The following MRO variants were observed in gnomAD, a reference collection of about 807,000 sequenced individuals.
The protein encoded by MRO is protein maestro.
MRO carries 28 observed loss-of-function variants against 31.0 expected under a neutral mutation model. The observed-to-expected ratio is 0.90, with a 90% CI of 0.67 to 1.24. The LOEUF (loss-of-function observed/expected upper bound fraction) is 1.24, where lower values mean the gene tolerates loss of function less well. Among genes scored for constraint, MRO ranks in the 50% most tolerant of loss-of-function variants. The probability of loss-of-function intolerance (pLI) is 0.00; values close to 1 mark genes in which losing one functional copy is unlikely to be tolerated. For missense variants in MRO, 332 were observed against 289.2 expected, an observed-to-expected ratio of 1.15 and a Z score of -1.07; for synonymous variants, 108 against 108.4, an observed-to-expected ratio of 1.00 and a Z score of 0.02.
chr18:50,810,553 AACTT>A (rs1364700260), intron 2 of MRO, among the ~76,000 whole-genome samples: 1 of 152,160 alleles, frequency 6.6e-6, no homozygotes, highest in African/African-American at 2.4e-5. Context: ...ATTGGAGGGA[AACTT>A]ACTTTTTTCA....
In MRO at chr18:50,809,412, C is replaced by T; in HGVS notation, c.-4-8G>A. The T allele has an allele frequency of 6.3e-7, 1 of 1,575,042 alleles. No homozygotes were observed. Among genetic ancestry groups the T allele is most frequent in the Non-Finnish European group, 8.7e-7 (1 of 1,147,018 alleles). ...TGTCTTTGGTCCATGGAACTAAAAA[C>T]AAAACAAAACAAAATCACATGCGCC... On this transcript the variant is annotated splice_polypyrimidine_tract_variant and splice_region_variant and intron_variant, in intron 2 of 7. Coordinates refer to ENST00000398439, the MANE Select transcript of MRO (RefSeq NM_031939.6).
intron 3 of MRO, among the ~76,000 whole-genome samples, chr18:50,808,933 C>T (rs1398359270): frequency 3.3e-5 from 5 of 150,494 alleles, no homozygotes; most frequent in African/African-American, 7.3e-5. Flanking sequence ...GTCAGGAGAT[C>T]GAGACCATCC....
At chr18:50,812,402 T>C (rs1321966450) in intron 2 of MRO, among the ~76,000 whole-genome samples, 1 of 152,226 alleles carries the variant, frequency 6.6e-6, no homozygotes, top group Non-Finnish European at 1.5e-5. Flanking sequence ...TTATATATTC[T>C]GAATACTAGA....
Position 50,800,088 on chromosome 18 carries a change from T to C in MRO, c.641A>G (p.Tyr214Cys). The change falls in exon 7 of 8, where the codon TAC becomes TGC. Residue 214 changes from tyrosine to cysteine, a missense_variant. By Grantham distance (194) the Tyr-to-Cys change is radical. Transcript: ENST00000398439. ...TTGATCTTCTTCACTCTGGAAGCTG[T>C]ATTCCTCCTTTAGTTTCAGATATGG... ...CSPYLKLKEE[Y>C]SFQSEEDQRN... 6.2e-7 allele frequency: 1 copy of C among 1,613,938 alleles called. No individual in the cohort carries two copies. The highest frequency in any genetic ancestry group is 1.1e-5 in the South Asian group (1 of 91,048).
At chr18:50,819,365 C>T (rs1363574185) in intron 2 of MRO, 5 of 883,740 alleles carry the variant, frequency 5.7e-6, no homozygotes, top group African/African-American at 1.8e-5. Context: ...AACTATTGAT[C>T]GATTAACATA....
upstream of MRO, among the ~76,000 whole-genome samples, chr18:50,824,997 A>T (rs1915460885): frequency 6.7e-6 from 1 of 150,102 alleles, no homozygotes; most frequent in African/African-American, 2.5e-5. Context: ...ACCACCTGGG[A>T]GGCAGAGGTC....
Position 50,799,242 on chromosome 18 carries a change from C to T in MRO, c.*95G>A, listed in dbSNP as rs1913046173. The T allele has an allele frequency of 3.7e-6, 4 of 1,080,300 alleles. No individual in the cohort carries two copies. In the Admixed American group the frequency reaches 5.2e-5, roughly 14 times the overall value. 66.9% of individuals were successfully genotyped at this position (1,080,300 alleles called of 1,614,324 possible). ...TCTTTCCCATTACAATCCCAAGAGG[C>T]AAGCAGTGAGAAGAGGCATCCAGTG... On this transcript the variant is annotated 3_prime_UTR_variant, in exon 8 of 8. Transcript: ENST00000398439.
chr18:50,801,633 T>C (rs2255059), intron 5 of MRO, 129 bp from the exon 6 acceptor site: 400,579 of 860,168 alleles, frequency 0.47, 96,589 homozygotes, highest in Non-Finnish European at 0.49. Flanking sequence ...CAGCCATCGA[T>C]CTTGACTGTA....
chr18:50,824,518 G>A (rs1382740339), upstream of MRO, among the ~76,000 whole-genome samples: 1 of 147,552 alleles, frequency 6.8e-6, no homozygotes, highest in East Asian at 2.1e-4. Flanking sequence ...GCAATATTGC[G>A]ATCTCGGCTC....
rs1201517482 is a variant in MRO at position 50,795,299 on chromosome 18, A to AC, written c.*4037dup. On this transcript the variant is annotated 3_prime_UTR_variant, in exon 8 of 8. Transcript: ENST00000398439. ...GCATATATATCACTTACACTCATGG[A>AC]CTTTTTTTTCATTTTAAAAGGGCAT... 6.6e-6 allele frequency: 1 copy of AC among 152,206 alleles called. No homozygotes were observed. Among genetic ancestry groups the AC allele is most frequent in the Non-Finnish European group, 1.5e-5 (1 of 68,024 alleles). The allele number at this position is 152,206 out of a possible 1,614,324, so 9.4% of individuals were successfully genotyped here. A position where few individuals can be genotyped will look rare whatever the true frequency, so the allele number is the denominator to read the frequency against.
intron 5 of MRO, among the ~76,000 whole-genome samples, chr18:50,804,787 A>ATTTC (rs1230164613): frequency 6.6e-6 from 1 of 151,778 alleles, no homozygotes; most frequent in Non-Finnish European, 1.5e-5. Context: ...CGCAGCTCAC[A>ATTTC]TTTCTTTCTT....
intron 2 of MRO, among the ~76,000 whole-genome samples, chr18:50,817,624 G>A (rs1207424429): frequency 3.4e-5 from 4 of 117,436 alleles, no homozygotes; most frequent in African/African-American, 6.1e-5. Flanking sequence ...GATGCTACAC[G>A]CCTGTTGGTA....
At chr18:50,800,001 C>A (rs201341785) in intron 7 of MRO, 35 bp downstream of exon 7, 4 of 1,491,860 alleles carry the variant, frequency 2.7e-6, no homozygotes, top group African/African-American at 1.4e-5. Context: ...GGGCAGGGAC[C>A]GGAAAAGAAT....
chr18:50,810,176 G>A (rs79086991), intron 2 of MRO, among the ~76,000 whole-genome samples: 7,273 of 152,024 alleles, frequency 0.048, 200 homozygotes, highest in Non-Finnish European at 0.06. Context: ...CAAACTCCTG[G>A]GCTCATGCAA....
At chr18:50,801,631 G>A (rs373276931) in intron 5 of MRO, 127 bp from the exon 6 acceptor site, 6 of 888,630 alleles carry the variant, frequency 6.8e-6, no homozygotes, top group African/African-American at 1.7e-5. Context: ...CACAGCCATC[G>A]ATCTTGACTG....
chr18:50,800,237 C>G, intron 6 of MRO, 94 bp from the exon 7 acceptor site: 2 of 809,364 alleles, frequency 2.5e-6, no homozygotes, highest in Admixed American at 5.4e-5. Context: ...AATCTGTGGT[C>G]AGGGGCCCAC....
Position 50,807,909 on chromosome 18 carries a change from A to C in MRO, c.100-1059T>G, listed in dbSNP as rs576137466. On this transcript the variant is annotated intron_variant, in intron 3 of 7. Transcript: ENST00000398439. ...CCTGGCCAACATGGCGAAACCCTGAAACCCCGTCTCTATAAAAATACAAAA... is the reference window on the plus strand; with the variant it reads ...CCTGGCCAACATGGCGAAACCCTGACACCCCGTCTCTATAAAAATACAAAA... 2.7e-3 allele frequency among the ~76,000 whole-genome samples: 411 copies of C among 152,216 alleles called. 2 individuals carry two copies. Among genetic ancestry groups the C allele is most frequent in the Non-Finnish European group, 5.1e-3 (350 of 68,032 alleles).
chr18:50,822,703 C>T (rs1414137081), upstream of MRO, among the ~76,000 whole-genome samples: 1 of 143,938 alleles, frequency 6.9e-6, no homozygotes, highest in Non-Finnish European at 1.5e-5. Context: ...GCCCCCCGCC[C>T]CCCGCCCCCC....
chr18:50,807,688 C>T (rs1914081084), intron 3 of MRO, among the ~76,000 whole-genome samples: 1 of 152,106 alleles, frequency 6.6e-6, no homozygotes, highest in African/African-American at 2.4e-5. Flanking sequence ...AAAGGATGTC[C>T]CAACTCCAGA....
Sources: gnomAD v4.1 joint callset for allele counts (sites outside exome capture counted in the v4.1 genomes callset) on GRCh38, gnomAD v4.1.1 for gene constraint, MANE v1.5 for transcripts, NCBI Gene and HGNC (gene_info 2026-07-23, HGNC 2026-07-21) for gene names.